The following WDR27 variants were observed in gnomAD, a reference collection of about 807,000 sequenced individuals.
The protein encoded by WDR27 is WD repeat-containing protein 27.
In WDR27, 100 loss-of-function variants were observed where a neutral mutation model predicts 114.4. The ratio of observed to expected loss-of-function variants is 0.87; its 90% CI spans 0.74 to 1.03. WDR27 has a LOEUF of 1.03. Ranked by LOEUF, WDR27 falls within the 50% of genes least tolerant of loss-of-function variation. The probability of loss-of-function intolerance (pLI) is 0.00; values close to 1 mark genes in which losing one functional copy is unlikely to be tolerated. For missense variants in WDR27, 1,129 were observed against 1,092.9 expected, an observed-to-expected ratio of 1.03 and a Z score of -0.47; for synonymous variants, 449 against 423.1, an observed-to-expected ratio of 1.06 and a Z score of -0.75.
intron 25 of WDR27, among the ~76,000 whole-genome samples, chr6:169,538,410 G>A (rs1011148875): frequency 2.6e-5 from 4 of 152,020 alleles, no homozygotes; most frequent in Non-Finnish European, 5.9e-5. Context: ...CCAACCGTGC[G>A]ACATAGTTCA....
chr6:169,662,915 G>A (rs974242140), intron 8 of WDR27, among the ~76,000 whole-genome samples: 1 of 147,474 alleles, frequency 6.8e-6, no homozygotes. Flanking sequence ...CCAGCATGAT[G>A]CGTGTGCACC....
downstream of WDR27, among the ~76,000 whole-genome samples, chr6:169,455,640 T>C (rs1784318786): frequency 1.3e-5 from 2 of 152,156 alleles, no homozygotes; most frequent in Admixed American, 1.3e-4. Context: ...GCCTCTTGAG[T>C]CTACAGTGGC....
intron 25 of WDR27, among the ~76,000 whole-genome samples, chr6:169,550,270 C>T (rs1465996606): frequency 1.3e-5 from 2 of 152,168 alleles, no homozygotes; most frequent in Non-Finnish European, 2.9e-5. Flanking sequence ...TAAAATAACA[C>T]ATCTAGCATC....
intron 25 of WDR27, among the ~76,000 whole-genome samples, chr6:169,478,166 G>T (rs1374264813): frequency 6.6e-6 from 1 of 151,948 alleles, no homozygotes; most frequent in African/African-American, 2.4e-5. Context: ...CTGGGTGGGG[G>T]CGTTCTTCAT....
chr6:169,559,522 C>T (rs1584215828), intron 25 of WDR27: 1 of 152,152 alleles, frequency 6.6e-6, no homozygotes, highest in African/African-American at 2.4e-5. Context: ...ATTAATGCCA[C>T]ATTAGTAGAA....
intron 22 of WDR27, among the ~76,000 whole-genome samples, chr6:169,613,178 G>C (rs1584583020): frequency 6.6e-6 from 1 of 152,334 alleles, no homozygotes; most frequent in Admixed American, 6.5e-5. Context: ...AGGAGAGTCA[G>C]GCGCCGCTGG....
chr6:169,589,307 T>C (rs1305361655), intron 23 of WDR27, among the ~76,000 whole-genome samples: 2 of 152,102 alleles, frequency 1.3e-5, no homozygotes, highest in African/African-American at 4.8e-5. Flanking sequence ...TGATAAGAAT[T>C]TTACATAAAT....
chr6:169,458,053 C>A (rs1784485826), intron 25 of WDR27, among the ~76,000 whole-genome samples: 1 of 151,220 alleles, frequency 6.6e-6, no homozygotes, highest in Non-Finnish European at 1.5e-5. Context: ...AGCAACTGTA[C>A]TGGCAAACTC....
At chr6:169,450,660 G>T in the WDR27 span, among the ~76,000 whole-genome samples, 1 of 152,206 alleles carries the variant, frequency 6.6e-6, no homozygotes, top group African/African-American at 2.4e-5. Context: ...AGTACACTGG[G>T]TCTGGCTTCT....
At chr6:169,567,545 C>A (rs969953868) in intron 25 of WDR27, among the ~76,000 whole-genome samples, 1 of 152,264 alleles carries the variant, frequency 6.6e-6, no homozygotes, top group African/African-American at 2.4e-5. Context: ...TCACACACAG[C>A]ACCAGGCGCA....
intron 22 of WDR27, among the ~76,000 whole-genome samples, chr6:169,612,507 G>C (rs913336759): frequency 6.6e-6 from 1 of 151,352 alleles, no homozygotes; most frequent in Non-Finnish European, 1.5e-5. Context: ...AGCTGCTCAC[G>C]AGGCTGAGGC....
chr6:169,692,225 AG>A (rs1784691365), intron 1 of WDR27, among the ~76,000 whole-genome samples: 1 of 152,378 alleles, frequency 6.6e-6, no homozygotes, highest in East Asian at 1.9e-4. Flanking sequence ...CTCCAGCTCC[AG>A]TCCAGGGAAG....
intron 23 of WDR27, 92 bp downstream of exon 23, chr6:169,602,127 G>A: frequency 1.1e-6 from 1 of 890,300 alleles, no homozygotes; most frequent in Non-Finnish European, 1.6e-6. Context: ...GCTGAAAGTA[G>A]GTTTCTATCC....
intron 2 of WDR27, among the ~76,000 whole-genome samples, chr6:169,676,039 G>A (rs1362870188): frequency 1.3e-5 from 2 of 152,168 alleles, no homozygotes; most frequent in African/African-American, 4.8e-5. Flanking sequence ...TGAAAAGTAA[G>A]TCATGATATA....
At chr6:169,582,705 G>T in intron 24 of WDR27, 131 bp downstream of exon 24, 2 of 598,362 alleles carry the variant, frequency 3.3e-6, no homozygotes, top group East Asian at 2.9e-5. Flanking sequence ...AGTTCTCCTT[G>T]CACTCAGTGA....
At chr6:169,597,168 T>C (rs942961443) in intron 23 of WDR27, among the ~76,000 whole-genome samples, 16 of 152,332 alleles carry the variant, frequency 1.1e-4, no homozygotes, top group Admixed American at 1.0e-3. Flanking sequence ...TCCAATGATA[T>C]ATCTTTCAGT....
chr6:169,618,627 C>CAAAAAAAAAAAAAAAA (rs560399990), intron 21 of WDR27, among the ~76,000 whole-genome samples: 1 of 92,106 alleles, frequency 1.1e-5, no homozygotes, highest in African/African-American at 3.8e-5. Context: ...TGGATGACTG[C>CAAAAAAAAAAAAAAAA]AAAAAAAAAA....
At chr6:169,612,831 G>C (rs1320779629) in intron 22 of WDR27, among the ~76,000 whole-genome samples, 4 of 152,124 alleles carry the variant, frequency 2.6e-5, no homozygotes, top group Non-Finnish European at 5.9e-5. Flanking sequence ...AATGTGATAT[G>C]GTCAGTCACT....
the WDR27 span, among the ~76,000 whole-genome samples, chr6:169,442,805 A>G: frequency 9.1e-3 from 1,387 of 152,320 alleles, 26 homozygotes; most frequent in African/African-American, 0.032. Flanking sequence ...TGACGGATGC[A>G]GGACGACTGA....
Sources: gnomAD v4.1 joint callset for allele counts (sites outside exome capture counted in the v4.1 genomes callset) on GRCh38, gnomAD v4.1.1 for gene constraint, MANE v1.5 for transcripts, NCBI Gene and HGNC (gene_info 2026-07-23, HGNC 2026-07-21) for gene names.